Variants in CDS1 observed in about 807,000 individuals in gnomAD.
CDS1 encodes the protein CDP-diacylglycerol synthase 1.
In CDS1, 41 loss-of-function variants were observed where a neutral mutation model predicts 62.1. The observed-to-expected ratio is 0.66, with a 90% CI of 0.51 to 0.86. The LOEUF (loss-of-function observed/expected upper bound fraction) is 0.86. CDS1 is among the 40% of genes least tolerant of loss of function. The pLI, the probability that CDS1 is intolerant of heterozygous loss-of-function variation, is 0.00. For missense variants in CDS1, 470 were observed against 550.1 expected, an observed-to-expected ratio of 0.85 and a Z score of 1.46; for synonymous variants, 185 against 192.6, an observed-to-expected ratio of 0.96 and a Z score of 0.32.
chr4:84,621,200 AGTTT>A (rs1447108842), intron 5 of CDS1, among the ~76,000 whole-genome samples: 2 of 152,166 alleles, frequency 1.3e-5, no homozygotes, highest in East Asian at 1.9e-4. Flanking sequence ...AAGGACATGA[AGTTT>A]GTTTGTGAGT....
At chr4:84,603,463 A>G (rs1322575504) in intron 1 of CDS1, among the ~76,000 whole-genome samples, 1 of 152,220 alleles carries the variant, frequency 6.6e-6, no homozygotes, top group Admixed American at 6.5e-5. Context: ...AGAAGAGGAA[A>G]GAACATGGCA....
chr4:84,634,067 A>C, intron 7 of CDS1, 128 bp downstream of exon 7: 1 of 455,444 alleles, frequency 2.2e-6, no homozygotes, highest in Middle Eastern at 3.8e-4. Flanking sequence ...CCATTAAACT[A>C]TCTTACTGAG....
chr4:84,612,650 A>G (rs1302239975), intron 3 of CDS1, among the ~76,000 whole-genome samples: 2 of 152,074 alleles, frequency 1.3e-5, no homozygotes, highest in African/African-American at 2.4e-5. Context: ...TCTTATTACT[A>G]GTTATTTGCT....
chr4:84,624,135 G>T (rs980565014), intron 5 of CDS1, among the ~76,000 whole-genome samples: 1 of 151,616 alleles, frequency 6.6e-6, no homozygotes, highest in South Asian at 2.1e-4. Context: ...TTAGCTGGGC[G>T]TGGTGGTGGG....
chr4:84,636,263 C>T (rs1447393724), intron 8 of CDS1, among the ~76,000 whole-genome samples: 2 of 152,078 alleles, frequency 1.3e-5, no homozygotes, highest in Non-Finnish European at 2.9e-5. Flanking sequence ...CATATCCAAA[C>T]TCATACCAAA....
chr4:84,583,206 C>T lies in CDS1; in HGVS notation c.-196C>T. The T allele has an allele frequency of 2.0e-6, 1 of 498,138 alleles. No individual in the cohort carries two copies. Among genetic ancestry groups the T allele is most frequent in the Non-Finnish European group, 3.5e-6 (1 of 283,438 alleles). 30.9% of individuals were successfully genotyped at this position (498,138 alleles called of 1,614,324 possible). On this transcript the variant is annotated 5_prime_UTR_variant, in exon 1 of 13. Coordinates refer to ENST00000295887, the MANE Select transcript of CDS1 (RefSeq NM_001263.4). ...CGCGCTCGCTGCAGGCGGCCTCGAG[C>T]GCTCTCTCGTTGATGCCGTTTTGGA...
intron 1 of CDS1, among the ~76,000 whole-genome samples, chr4:84,596,916 G>A (rs1472761833): frequency 6.6e-6 from 1 of 152,212 alleles, no homozygotes. Context: ...ACTGTGGGGA[G>A]CGCAGAAGCT....
intron 10 of CDS1, among the ~76,000 whole-genome samples, chr4:84,642,122 GTTC>G (rs1724403193): frequency 6.6e-6 from 1 of 152,174 alleles, no homozygotes; most frequent in Non-Finnish European, 1.5e-5. Context: ...GATGCCAGGA[GTTC>G]CAGACCAGCC....
chr4:84,593,269 A>G (rs1722645835), intron 1 of CDS1, among the ~76,000 whole-genome samples: 1 of 152,146 alleles, frequency 6.6e-6, no homozygotes, highest in Non-Finnish European at 1.5e-5. Context: ...AAGGTATACA[A>G]AGTATACAAG....
At chr4:84,587,601 A>G (rs894251989) in intron 1 of CDS1, among the ~76,000 whole-genome samples, 1 of 152,220 alleles carries the variant, frequency 6.6e-6, no homozygotes, top group Non-Finnish European at 1.5e-5. Flanking sequence ...AGTGGGAATG[A>G]GTATTGAAAC....
At chr4:84,599,401 CACACATATATATAT>C (rs1219213947) in intron 1 of CDS1, among the ~76,000 whole-genome samples, 47 of 23,990 alleles carry the variant, frequency 2.0e-3, no homozygotes, top group African/African-American at 4.1e-3. Flanking sequence ...TTGACACACA[CACACATATATATAT>C]ATATATATAT....
intron 1 of CDS1, among the ~76,000 whole-genome samples, chr4:84,602,545 A>G (rs1244594719): frequency 6.6e-6 from 1 of 152,200 alleles, no homozygotes; most frequent in Admixed American, 6.5e-5. Flanking sequence ...AATTAGAGCT[A>G]GTAACTCCTG....
At chr4:84,585,633 C>T (rs913174590) in intron 1 of CDS1, among the ~76,000 whole-genome samples, 1 of 152,210 alleles carries the variant, frequency 6.6e-6, no homozygotes, top group Non-Finnish European at 1.5e-5. Flanking sequence ...ACATTATATT[C>T]TGCTATTATA....
Position 84,639,756 on chromosome 4 carries a change from A to C in CDS1, c.879+764A>C, listed in dbSNP as rs188941557. 1.9e-3 allele frequency among the ~76,000 whole-genome samples: 289 copies of C among 152,246 alleles called. 1 individual carries two copies. Among genetic ancestry groups the C allele is most frequent in the African/African-American group, 6.7e-3 (278 of 41,542 alleles). ...AGAGAGTGAATATACAAATAAATGG[A>C]AATATGCCATGATCCTGGAAACCAC... is the stretch of plus-strand genomic sequence containing the variant. On this transcript the variant is annotated intron_variant, in intron 9 of 12. Transcript: ENST00000295887.
In CDS1 at chr4:84,648,844, T is replaced by G. The variant is rs1017944080; in HGVS notation, c.*158T>G. ...ATTACTGTGAATATTTAACAAACAC[T>G]TACTTGATCTATGTTATGAAATAAG... On this transcript the variant is annotated 3_prime_UTR_variant, in exon 13 of 13. Coordinates refer to ENST00000295887, the MANE Select transcript of CDS1 (RefSeq NM_001263.4). The G allele has an allele frequency of 6.8e-5, 45 of 661,018 alleles. No individual in the cohort carries two copies. The highest frequency in any genetic ancestry group is 9.5e-5 in the Non-Finnish European group (39 of 409,882). 40.9% of individuals were successfully genotyped at this position (661,018 alleles called of 1,614,324 possible).
At chr4:84,639,055 C>A in intron 9 of CDS1, 63 bp downstream of exon 9, 2 of 749,668 alleles carry the variant, frequency 2.7e-6, no homozygotes, top group South Asian at 2.5e-5. Context: ...GCTTACTGGT[C>A]TAATTTTAAA....
chr4:84,585,410 T>C (rs113699818), intron 1 of CDS1, among the ~76,000 whole-genome samples: 5,821 of 152,342 alleles, frequency 0.038, 130 homozygotes, highest in South Asian at 0.055. Context: ...CTTGGCAAGC[T>C]GATAGATATT....
intron 3 of CDS1, among the ~76,000 whole-genome samples, chr4:84,609,816 C>G (rs1723260659): frequency 6.6e-6 from 1 of 151,940 alleles, no homozygotes; most frequent in Admixed American, 6.5e-5. Flanking sequence ...TGACATGAGC[C>G]TGGGCAAAAA....
intron 1 of CDS1, among the ~76,000 whole-genome samples, chr4:84,594,844 GT>G (rs2110037812): frequency 1.3e-5 from 2 of 152,142 alleles, no homozygotes; most frequent in Admixed American, 1.3e-4. Flanking sequence ...AGCCTCCCGA[GT>G]TCCTGGGACC....
Sources: gnomAD v4.1 joint callset for allele counts (sites outside exome capture counted in the v4.1 genomes callset) on GRCh38, gnomAD v4.1.1 for gene constraint, MANE v1.5 for transcripts, NCBI Gene and HGNC (gene_info 2026-07-23, HGNC 2026-07-21) for gene names.